Variants in MRPL47 observed in about 807,000 individuals in gnomAD.
MRPL47 encodes the protein large ribosomal subunit protein uL29m.
A neutral mutation model predicts 34.0 loss-of-function variants in MRPL47; 31 were observed. That is an observed-to-expected ratio of 0.91 (90% CI 0.68 to 1.23). The LOEUF is 1.23. Among genes scored for constraint, MRPL47 ranks in the 50% most tolerant of loss-of-function variants. The pLI is 0.00. For synonymous variants in MRPL47, 106 were observed against 101.6 expected (o/e 1.04, Z -0.26); for missense variants, 328 against 285.8 (o/e 1.15, Z -1.07).
In MRPL47 at chr3:179,588,856, T is replaced by TAATA. The variant is rs1457750885; in HGVS notation, c.*12_*15dup. ...TTCAAGAAAAACAAAATGGTAAATT[T>TAATA]AATAGTTCAGACATCTTAGACAAGA... On this transcript the variant is annotated 3_prime_UTR_variant, in exon 7 of 7. Coordinates refer to ENST00000476781, the MANE Select transcript of MRPL47 (RefSeq NM_020409.3). The TAATA allele has an allele frequency of 4.4e-6, 7 of 1,608,052 alleles. No individual in the cohort carries two copies. The African/African-American group carries it at 6.7e-5, about 15-fold the overall frequency.
intron 4 of MRPL47, among the ~76,000 whole-genome samples, chr3:179,596,108 T>C (rs1207387186): frequency 2.0e-5 from 3 of 152,238 alleles, no homozygotes; most frequent in African/African-American, 7.2e-5. Flanking sequence ...TTATCTCAAA[T>C]GGATAGTTAA....
At chr3:179,595,040 T>C (rs1257599069) in intron 4 of MRPL47, among the ~76,000 whole-genome samples, 3 of 152,176 alleles carry the variant, frequency 2.0e-5, no homozygotes, top group Admixed American at 6.5e-5. Context: ...AATTACTTCA[T>C]AATCAGTTTT....
At chr3:179,603,834 G>A (rs1718988752) in intron 1 of MRPL47, among the ~76,000 whole-genome samples, 1 of 152,072 alleles carries the variant, frequency 6.6e-6, no homozygotes. Flanking sequence ...GAGATGATTT[G>A]AAACTAAATA....
intron 2 of MRPL47, among the ~76,000 whole-genome samples, chr3:179,602,117 C>T (rs941800255): frequency 1.8e-4 from 27 of 152,258 alleles, no homozygotes; most frequent in African/African-American, 5.8e-4. Flanking sequence ...GCCAAGACGG[C>T]GGGCATCACC....
At chr3:179,593,514 A>G (rs927544477) in intron 5 of MRPL47, among the ~76,000 whole-genome samples, 5 of 152,232 alleles carry the variant, frequency 3.3e-5, no homozygotes, top group Non-Finnish European at 7.3e-5. Context: ...ACTAAGAACC[A>G]CTACAATAAA....
At chr3:179,597,312 AT>A (rs1239637781) in intron 4 of MRPL47, among the ~76,000 whole-genome samples, 4 of 152,180 alleles carry the variant, frequency 2.6e-5, no homozygotes, top group Non-Finnish European at 5.9e-5. Context: ...AGGGATCGTT[AT>A]GTCCTTCCAT....
chr3:179,601,681 A>G (rs1385543501), intron 3 of MRPL47, 49 bp downstream of exon 3: 1 of 1,151,516 alleles, frequency 8.7e-7, no homozygotes, highest in Admixed American at 1.8e-5. Context: ...TCATTGTTAC[A>G]CTATAACGGC....
chr3:179,589,087 G>A, intron 6 of MRPL47, 92 bp from the exon 7 acceptor site: 1 of 1,250,396 alleles, frequency 8.0e-7, no homozygotes, highest in Non-Finnish European at 1.1e-6. Context: ...TTACATCAAA[G>A]CTTCAAACAT....
chr3:179,593,652 A>T, intron 5 of MRPL47, 113 bp downstream of exon 5: 30 of 657,918 alleles, frequency 4.6e-5, no homozygotes, highest in Non-Finnish European at 7.0e-5. Flanking sequence ...TATTAGACAT[A>T]TCTCTAATAT....
chr3:179,593,665 T>C (rs1042141393), intron 5 of MRPL47, 100 bp downstream of exon 5: 5 of 1,096,934 alleles, frequency 4.6e-6, no homozygotes, highest in African/African-American at 1.6e-5. Flanking sequence ...TCTAATATTA[T>C]CTCATATGGT....
chr3:179,594,101 C>T (rs1036425848), intron 4 of MRPL47, among the ~76,000 whole-genome samples: 3 of 152,148 alleles, frequency 2.0e-5, no homozygotes, highest in African/African-American at 7.2e-5. Context: ...TTTTAAAAAG[C>T]TTACAGTTTT....
intron 4 of MRPL47, among the ~76,000 whole-genome samples, chr3:179,597,910 T>C (rs929970892): frequency 3.9e-5 from 6 of 152,350 alleles, no homozygotes; most frequent in Admixed American, 1.3e-4. Flanking sequence ...GTAAATTTTA[T>C]GTTATGTGAT....
At chr3:179,590,370 T>C (rs1232160357) in intron 6 of MRPL47, among the ~76,000 whole-genome samples, 1 of 151,826 alleles carries the variant, frequency 6.6e-6, no homozygotes, top group African/African-American at 2.4e-5. Flanking sequence ...GATTTATAAC[T>C]TCACCCTGTA....
rs1718956323 is a variant in MRPL47, at chr3:179,602,737, T to A, written c.159A>T (p.Arg53Ser). 1.9e-6 allele frequency: 3 copies of A among 1,612,404 alleles called. No individual in the cohort carries two copies. Among genetic ancestry groups the A allele is most frequent in the Non-Finnish European group, 2.5e-6 (3 of 1,179,406 alleles). The stretch of plus-strand genomic sequence containing the variant: ...TCCTTGACAATGTGGTATGAAGTAA[T>A]CTATATTGGTGAAAGGATGTCACAT... ...TPNVTSFHQY[R>S]LLHTTLSRKG... is the part of the protein sequence containing the mutation. Residue 53 changes from arginine to serine, a missense_variant, in exon 2 of 7, where the codon AGA becomes AGT. Arg to Ser is a moderately radical substitution (Grantham distance 110). Coordinates refer to ENST00000476781, the MANE Select transcript of MRPL47 (RefSeq NM_020409.3).
chr3:179,601,171 G>T (rs1243216271), intron 3 of MRPL47, among the ~76,000 whole-genome samples: 1 of 152,184 alleles, frequency 6.6e-6, no homozygotes, highest in Non-Finnish European at 1.5e-5. Flanking sequence ...CAGGATGTTG[G>T]GAGGCTGAGG....
At chr3:179,604,452 G>C (rs534958125) in intron 1 of MRPL47, 75 bp downstream of exon 1, 238 of 1,392,168 alleles carry the variant, frequency 1.7e-4, no homozygotes, top group Non-Finnish European at 2.2e-4. Context: ...GTTGTTCTCG[G>C]CATCTCGGCA....
chr3:179,588,612 T>TA lies in MRPL47; in HGVS notation c.*259dup. The stretch of plus-strand genomic sequence containing the variant: ...TTACCATCACCTTCACACTCTAAGG[T>TA]AGCAGGTGACATTTAAAGCCTGCTT... On this transcript the variant is annotated 3_prime_UTR_variant, in exon 7 of 7. Coordinates refer to ENST00000476781, the MANE Select transcript of MRPL47 (RefSeq NM_020409.3). The TA allele has an allele frequency of 3.5e-6, 1 of 285,740 alleles. No individual in the cohort carries two copies. The highest frequency in any genetic ancestry group is 6.6e-6 in the Non-Finnish European group (1 of 151,778). 17.7% of individuals were successfully genotyped at this position (285,740 alleles called of 1,614,324 possible).
chr3:179,595,462 C>T (rs894268088), intron 4 of MRPL47, among the ~76,000 whole-genome samples: 3 of 152,068 alleles, frequency 2.0e-5, no homozygotes, highest in African/African-American at 7.2e-5. Context: ...CTACAAAATC[C>T]CTGAAAAAGA....
Position 179,593,818 on chromosome 3 carries a change from T to C in MRPL47, c.480A>G (p.Gln160=). ...EDALRLLQTG[Q]ERARPGAWRR... ...TCCAAGCACCAGGTCTAGCTCTTTC[T>C]TGACCAGTCTGAAGAAGCCTTAGGG... The change falls in exon 5 of 7, where the codon CAA becomes CAG. Residue 160 remains glutamine (Q), a synonymous_variant. Transcript: ENST00000476781. 1.2e-6 allele frequency: 2 copies of C among 1,614,006 alleles called. No homozygotes were observed. Among genetic ancestry groups the C allele is most frequent in the East Asian group, 4.5e-5 (2 of 44,860 alleles).
Sources: allele counts gnomAD v4.1 joint callset (sites outside exome capture counted in the v4.1 genomes callset), GRCh38; gene constraint gnomAD v4.1.1; transcripts MANE v1.5; gene names NCBI Gene and HGNC (gene_info 2026-07-23, HGNC 2026-07-21).